Variants in CACNA1E observed in about 807,000 individuals in gnomAD.
The protein encoded by CACNA1E is calcium voltage-gated channel subunit alpha1 E.
A neutral mutation model predicts 259.2 loss-of-function variants in CACNA1E; 40 were observed. That is an observed-to-expected ratio of 0.15 (90% CI 0.12 to 0.20). CACNA1E has a LOEUF of 0.20. CACNA1E is among the 10% of genes least tolerant of loss of function. The probability of loss-of-function intolerance (pLI) is 1.00; values close to 1 mark genes in which losing one functional copy is unlikely to be tolerated. For synonymous variants in CACNA1E, 1,104 were observed against 1,138.5 expected (o/e 0.97, Z 0.61); for missense variants, 1,874 against 3,040.1 (o/e 0.62, Z 9.02).
intron 1 of CACNA1E, among the ~76,000 whole-genome samples, chr1:181,377,492 T>A (rs1655183689): frequency 6.6e-6 from 1 of 152,164 alleles, no homozygotes; most frequent in South Asian, 2.1e-4. Flanking sequence ...TTGGAGGTTA[T>A]GTGGGGAGCC....
rs1444672334 is a variant in CACNA1E, at chr1:181,758,886, T to C, written c.4605+18T>C. 1 of 1,329,466 alleles carries C rather than the reference T, an allele frequency of 7.5e-7. No individual in the cohort carries two copies. Among genetic ancestry groups the C allele is most frequent in the Non-Finnish European group, 1.1e-6 (1 of 922,194 alleles). 82.4% of individuals were successfully genotyped at this position (1,329,466 alleles called of 1,614,324 possible). A position where few individuals can be genotyped will look rare whatever the true frequency, so the allele number is the denominator to read the frequency against. On this transcript the variant is annotated intron_variant, in intron 32 of 47. Coordinates refer to ENST00000367573, the MANE Select transcript of CACNA1E (RefSeq NM_001205293.3). The surrounding 1 kb of genome is among the most constrained non-coding windows in gnomAD (Gnocchi z 4.2). Reference sequence around the variant, plus strand: ...GCTTTTTGGTATGTTGCTGAATCCTTCCCAGCACTGGGCTTGTCTCTTTCT... The same window carrying C: ...GCTTTTTGGTATGTTGCTGAATCCTCCCCAGCACTGGGCTTGTCTCTTTCT...
At chr1:181,750,344 A>C (rs758690961) in intron 25 of CACNA1E, 132 bp from the exon 26 acceptor site, 5 of 739,700 alleles carry the variant, frequency 6.8e-6, no homozygotes, top group Non-Finnish European at 1.1e-5. Context: ...TGCTGCTCTG[A>C]TTCCCTATCA....
chr1:181,680,466 C>G (rs189114660), intron 7 of CACNA1E, among the ~76,000 whole-genome samples: 1 of 152,144 alleles, frequency 6.6e-6, no homozygotes, highest in Non-Finnish European at 1.5e-5. Flanking sequence ...CAGTGAGCAG[C>G]GTGTAGGCTG....
intron 14 of CACNA1E, 92 bp downstream of exon 14, chr1:181,720,429 C>T: frequency 7.3e-7 from 1 of 1,378,756 alleles, no homozygotes; most frequent in Non-Finnish European, 9.9e-7. Context: ...CACCATGTTA[C>T]TATCCTGTCT....
intron 6 of CACNA1E, among the ~76,000 whole-genome samples, chr1:181,585,190 C>T (rs573177833): frequency 2.4e-4 from 36 of 152,236 alleles, no homozygotes; most frequent in Admixed American, 5.2e-4. Context: ...TTTCCCATGA[C>T]GGCTGGGAGG....
chr1:181,624,285 G>A (rs1655992652), intron 6 of CACNA1E, among the ~76,000 whole-genome samples: 1 of 152,166 alleles, frequency 6.6e-6, no homozygotes, highest in Non-Finnish European at 1.5e-5. Flanking sequence ...ATGAGATTTG[G>A]AGGGTCAAAT....
intron 1 of CACNA1E, among the ~76,000 whole-genome samples, chr1:181,321,022 G>GCTGGTGTGT (rs1251559117): frequency 6.6e-6 from 1 of 152,218 alleles, no homozygotes; most frequent in East Asian, 1.9e-4. Flanking sequence ...GGGAAGGGGA[G>GCTGGTGTGT]CTGGTGTGTG....
intron 6 of CACNA1E, among the ~76,000 whole-genome samples, chr1:181,600,850 G>A (rs1653670902): frequency 6.6e-6 from 1 of 152,120 alleles, no homozygotes; most frequent in South Asian, 2.1e-4. Flanking sequence ...TATTAATGGT[G>A]TTTTGAATCA....
intron 1 of CACNA1E, among the ~76,000 whole-genome samples, chr1:181,343,635 C>CA (rs1265769081): frequency 6.6e-6 from 1 of 152,030 alleles, no homozygotes; most frequent in East Asian, 1.9e-4. Context: ...TATAGCAATG[C>CA]AAAAAATGGA....
rs114023074 is a variant in CACNA1E at position 181,488,378 on chromosome 1, G to T, written c.266+4368G>T. On this transcript the variant is annotated intron_variant, in intron 1 of 47. Transcript: ENST00000367573. ...TCCTATGATCAGATAATGCAGAGGG[G>T]TTCATATCTTCTGTGTACCTGTGCG... 5.1e-3 allele frequency among the ~76,000 whole-genome samples: 770 copies of T among 152,310 alleles called. 9 individuals are homozygous for T. The highest frequency in any genetic ancestry group is 0.017 in the African/African-American group (707 of 41,550).
At chr1:181,767,031 G>A (rs1659079250) in intron 35 of CACNA1E, among the ~76,000 whole-genome samples, 1 of 152,130 alleles carries the variant, frequency 6.6e-6, no homozygotes, top group African/African-American at 2.4e-5. Context: ...CCTGTATATG[G>A]TGACACCAAA....
chr1:181,706,299 C>A (rs1199890794), intron 7 of CACNA1E, among the ~76,000 whole-genome samples: 3 of 152,030 alleles, frequency 2.0e-5, no homozygotes, highest in African/African-American at 7.2e-5. Context: ...CCGAATCACC[C>A]CAGGATCCTC....
chr1:181,350,958 G>A (rs1026036710), intron 1 of CACNA1E, among the ~76,000 whole-genome samples: 14 of 152,132 alleles, frequency 9.2e-5, no homozygotes, highest in African/African-American at 3.4e-4. Flanking sequence ...ACAAGTAAAT[G>A]AGCAAATAAG....
chr1:181,555,216 G>A (rs901404791), intron 3 of CACNA1E, among the ~76,000 whole-genome samples: 1 of 152,146 alleles, frequency 6.6e-6, no homozygotes, highest in African/African-American at 2.4e-5. Context: ...GACACTCAGA[G>A]GTATGACTGA....
rs1662358336 is a variant in CACNA1E at position 181,802,623 on chromosome 1, T to A, written c.*3789T>A. ...GCTATGGGGGAATATTGCATTCTAA[T>A]GAAATAGGGTTTGGAACTCACCTGG... On this transcript the variant is annotated 3_prime_UTR_variant, in exon 48 of 48. Transcript: ENST00000367573. The A allele has an allele frequency of 6.6e-6, 1 of 152,184 alleles. No individual in the cohort carries two copies. The allele number at this position is 152,184 out of a possible 1,614,324, so 9.4% of individuals were successfully genotyped here. A position where few individuals can be genotyped will look rare whatever the true frequency, so the allele number is the denominator to read the frequency against.
At position 181,722,246 on chromosome 1, in the gene CACNA1E, AGCCT is replaced by A. The variant is rs1654476067; in HGVS notation, c.2074+375_2074+378del. Among the ~76,000 whole-genome samples, 4 of 152,354 alleles carry A rather than the reference AGCCT, an allele frequency of 2.6e-5. No individual in the cohort carries two copies. The South Asian group carries it at 8.3e-4, about 32-fold the overall frequency. On this transcript the variant is annotated intron_variant, in intron 16 of 47. Transcript: ENST00000367573. ...TTAATTACATGCTAATGTAGAACAGAGCCTGCCACATAGTAAGATCCCAAAAAAT... is the reference window on the plus strand; with the variant it reads ...TTAATTACATGCTAATGTAGAACAGAGCCACATAGTAAGATCCCAAAAAAT...
intron 3 of CACNA1E, among the ~76,000 whole-genome samples, chr1:181,538,856 T>C (rs535852068): frequency 3.9e-5 from 6 of 152,362 alleles, no homozygotes; most frequent in East Asian, 1.9e-4. Context: ...AAAAGGCTTC[T>C]GTTGAATTTT....
intron 2 of CACNA1E, among the ~76,000 whole-genome samples, chr1:181,434,313 TA>T (rs1659926181): frequency 6.6e-6 from 1 of 152,228 alleles, no homozygotes; most frequent in Admixed American, 6.5e-5. Context: ...TTTGGACACT[TA>T]AGTGGCTTAA....
At chr1:181,587,949 G>C (rs1341881624) in intron 6 of CACNA1E, among the ~76,000 whole-genome samples, 1 of 152,198 alleles carries the variant, frequency 6.6e-6, no homozygotes, top group Non-Finnish European at 1.5e-5. Context: ...TCAGTCTGTG[G>C]AGTAAGTTGA....
Sources: gnomAD v4.1 joint callset for allele counts (sites outside exome capture counted in the v4.1 genomes callset) on GRCh38, gnomAD v4.1.1 for gene constraint, Gnocchi (gnomAD v3.1) non-coding constraint, MANE v1.5 for transcripts, NCBI Gene and HGNC (gene_info 2026-07-23, HGNC 2026-07-21) for gene names.